LOC400499: variants seen among roughly 807,000 people sequenced by gnomAD.
the LOC400499 span, chr16:11,387,129 G>A: frequency 8.1e-7 from 1 of 1,232,314 alleles, no homozygotes; most frequent in Non-Finnish European, 1.0e-6. Context: ...GGGCCCGCCA[G>A]CAGGCGGCGT....
At chr16:11,514,386 C>G in the LOC400499 span, 1 of 399,240 alleles carries the variant, frequency 2.5e-6, no homozygotes, top group Non-Finnish European at 4.4e-6. Flanking sequence ...TGGGGCATCT[C>G]GTGCAGCAGA....
chr16:11,527,155 G>A, the LOC400499 span, among the ~76,000 whole-genome samples: 2 of 152,186 alleles, frequency 1.3e-5, no homozygotes, highest in Admixed American at 6.5e-5. Flanking sequence ...CCAGACCGAG[G>A]AGTCCCACGG....
At chr16:11,505,750 G>C in the LOC400499 span, among the ~76,000 whole-genome samples, 1 of 151,716 alleles carries the variant, frequency 6.6e-6, no homozygotes, top group African/African-American at 2.4e-5. Context: ...TGCCCGGCCT[G>C]TTTACTTGTT....
chr16:11,394,509 TG>T, the LOC400499 span, among the ~76,000 whole-genome samples: 2 of 152,256 alleles, frequency 1.3e-5, no homozygotes, highest in Non-Finnish European at 2.9e-5. Context: ...CTTAAGAGTG[TG>T]TGTGCGCGTG....
chr16:11,468,108 C>G, the LOC400499 span, among the ~76,000 whole-genome samples: 2 of 143,848 alleles, frequency 1.4e-5, no homozygotes, highest in African/African-American at 5.2e-5. Context: ...AAACAAAAAA[C>G]AAAAAACAAC....
chr16:11,522,451 C>G, the LOC400499 span, among the ~76,000 whole-genome samples: 1 of 152,080 alleles, frequency 6.6e-6, no homozygotes, highest in African/African-American at 2.4e-5. Context: ...AGGAAATTTA[C>G]CAGCATCCCT....
the LOC400499 span, chr16:11,399,405 G>T: frequency 2.0e-6 from 1 of 509,066 alleles, no homozygotes; most frequent in Non-Finnish European, 3.1e-6. Flanking sequence ...CCCCAGAGCT[G>T]GACGCTCCTG....
the LOC400499 span, among the ~76,000 whole-genome samples, chr16:11,507,110 G>T: frequency 4.6e-3 from 699 of 152,348 alleles, 7 homozygotes; most frequent in African/African-American, 0.015. Flanking sequence ...ACCCCTGCCA[G>T]GGGAAATGTC....
the LOC400499 span, among the ~76,000 whole-genome samples, chr16:11,482,081 A>G: frequency 2.6e-5 from 4 of 152,234 alleles, no homozygotes; most frequent in African/African-American, 9.6e-5. Context: ...AGTAATGAAG[A>G]CTGGGTTTAA....
At chr16:11,507,203 G>A in the LOC400499 span, among the ~76,000 whole-genome samples, 19 of 152,316 alleles carry the variant, frequency 1.2e-4, no homozygotes, top group East Asian at 9.7e-4. Context: ...GCAGTGCAAC[G>A]GTTAGAGCAC....
the LOC400499 span, among the ~76,000 whole-genome samples, chr16:11,504,047 G>A: frequency 6.6e-6 from 1 of 151,988 alleles, no homozygotes; most frequent in Non-Finnish European, 1.5e-5. Context: ...TGGGGATGGT[G>A]CCTGCCCGGG....
At chr16:11,378,350 G>GA in the LOC400499 span, among the ~76,000 whole-genome samples, 2 of 149,118 alleles carry the variant, frequency 1.3e-5, no homozygotes, top group Admixed American at 1.4e-4. Context: ...TGCAACCTCT[G>GA]CCTCCCGGGT....
the LOC400499 span, among the ~76,000 whole-genome samples, chr16:11,419,624 T>C: frequency 6.6e-6 from 1 of 152,070 alleles, no homozygotes; most frequent in African/African-American, 2.4e-5. Context: ...ACTGAAGAGC[T>C]TCTGCACGGC....
chr16:11,506,449 G>GAGTGTAAAC, the LOC400499 span, among the ~76,000 whole-genome samples: 2 of 152,198 alleles, frequency 1.3e-5, no homozygotes, highest in Non-Finnish European at 2.9e-5. Context: ...GCCATTTCGT[G>GAGTGTAAAC]AGTGTAAACC....
chr16:11,434,349 C>G, the LOC400499 span, among the ~76,000 whole-genome samples: 1 of 152,160 alleles, frequency 6.6e-6, no homozygotes, highest in African/African-American at 2.4e-5. Context: ...TAGCAAGACC[C>G]CGTTCCTACA....
chr16:11,456,725 G>T, the LOC400499 span: 2 of 974,322 alleles, frequency 2.1e-6, no homozygotes, highest in Non-Finnish European at 2.9e-6. Context: ...ACTGTGCCTG[G>T]CCCAGTTTGA....
chr16:11,474,914 G>T, the LOC400499 span, among the ~76,000 whole-genome samples: 1 of 152,096 alleles, frequency 6.6e-6, no homozygotes, highest in Admixed American at 6.5e-5. Context: ...TATGCCAAAA[G>T]GAAAAAATTA....
chr16:11,454,429 T>G, the LOC400499 span, among the ~76,000 whole-genome samples: 119,687 of 152,126 alleles, frequency 0.79, 47,150 homozygotes, highest in South Asian at 0.83. Context: ...GAATAGGACA[T>G]GCCCTTAACC....
At chr16:11,458,737 G>C in the LOC400499 span, among the ~76,000 whole-genome samples, 1 of 151,996 alleles carries the variant, frequency 6.6e-6, no homozygotes, top group Non-Finnish European at 1.5e-5. Flanking sequence ...CTCCAAAATG[G>C]TTAAAATAGT....
Sources: allele counts gnomAD v4.1 joint callset (sites outside exome capture counted in the v4.1 genomes callset), GRCh38; gene constraint gnomAD v4.1.1; transcripts MANE v1.5.